Variants in COX10 observed in about 807,000 individuals in gnomAD.
COX10 encodes protoheme IX farnesyltransferase, mitochondrial.
In COX10, 27 loss-of-function variants were observed where a neutral mutation model predicts 37.3. That is an observed-to-expected ratio of 0.72 (90% CI 0.53 to 1.00). The LOEUF (loss-of-function observed/expected upper bound fraction) is 1.00, where lower values mean the gene tolerates loss of function less well. Ranked by LOEUF, COX10 falls within the 50% of genes least tolerant of loss-of-function variation. The probability of loss-of-function intolerance (pLI) is 0.00; values close to 1 mark genes in which losing one functional copy is unlikely to be tolerated. For missense variants in COX10, 475 were observed against 563.2 expected, an observed-to-expected ratio of 0.84 and a Z score of 1.59; for synonymous variants, 222 against 229.1, an observed-to-expected ratio of 0.97 and a Z score of 0.28.
intron 3 of COX10, among the ~76,000 whole-genome samples, chr17:14,098,222 G>C (rs1416627975): frequency 6.6e-6 from 1 of 152,066 alleles, no homozygotes; most frequent in Non-Finnish European, 1.5e-5. Context: ...AGATTATTTT[G>C]GCTGATTTAC....
chr17:14,082,056 AG>A (rs750078781), intron 3 of COX10, among the ~76,000 whole-genome samples: 4 of 152,326 alleles, frequency 2.6e-5, no homozygotes, highest in South Asian at 4.1e-4. Context: ...TGGAAGAACC[AG>A]GGGTCTTCAG....
intron 5 of COX10, among the ~76,000 whole-genome samples, chr17:14,186,666 G>A (rs1346817704): frequency 2.6e-5 from 4 of 151,590 alleles, no homozygotes; most frequent in African/African-American, 9.7e-5. Context: ...TTCAGGGAAT[G>A]CAGTATTAGG....
At chr17:14,104,149 G>C (rs112606158) in intron 4 of COX10, among the ~76,000 whole-genome samples, 35 of 152,022 alleles carry the variant, frequency 2.3e-4, no homozygotes, top group African/African-American at 8.2e-4. Context: ...CCATCTTTTT[G>C]TACCCCTCAT....
intron 4 of COX10, among the ~76,000 whole-genome samples, chr17:14,118,797 C>T (rs1233316105): frequency 6.6e-6 from 1 of 151,138 alleles, no homozygotes; most frequent in Non-Finnish European, 1.5e-5. Context: ...ATTCTTATCT[C>T]TTAGATTTTT....
intron 6 of COX10, among the ~76,000 whole-genome samples, chr17:14,201,519 GA>G (rs1906541107): frequency 6.6e-6 from 1 of 152,086 alleles, no homozygotes; most frequent in South Asian, 2.1e-4. Context: ...AAGCATTACT[GA>G]AAAAAGTGTA....
chr17:14,151,588 A>G (rs1467677005), intron 4 of COX10, among the ~76,000 whole-genome samples: 1 of 151,814 alleles, frequency 6.6e-6, no homozygotes, highest in Non-Finnish European at 1.5e-5. Context: ...AACTGCCAAG[A>G]TAGTTACTTA....
intron 4 of COX10, among the ~76,000 whole-genome samples, chr17:14,145,031 C>T (rs1054847948): frequency 6.6e-6 from 1 of 151,952 alleles, no homozygotes; most frequent in Non-Finnish European, 1.5e-5. Context: ...ACAGGATTAC[C>T]AGTCCTTAGG....
At chr17:14,074,654 A>G (rs1480386411) in intron 2 of COX10, among the ~76,000 whole-genome samples, 198 bp downstream of exon 2, 1 of 152,238 alleles carries the variant, frequency 6.6e-6, no homozygotes, top group African/African-American at 2.4e-5. Context: ...GTTTGAGGTT[A>G]AAAGTATGAT....
At chr17:14,107,087 T>C (rs548233527) in intron 4 of COX10, among the ~76,000 whole-genome samples, 10 of 152,214 alleles carry the variant, frequency 6.6e-5, no homozygotes, top group Admixed American at 3.3e-4. Flanking sequence ...CCCCTACTTC[T>C]ACCCACTGGA....
intron 5 of COX10, among the ~76,000 whole-genome samples, chr17:14,169,414 G>A (rs1176992096): frequency 6.6e-6 from 1 of 152,090 alleles, no homozygotes; most frequent in African/African-American, 2.4e-5. Context: ...ATTTTTCCAA[G>A]CCCTGCCCAT....
At chr17:14,115,665 G>C (rs1048864612) in intron 4 of COX10, among the ~76,000 whole-genome samples, 1 of 152,102 alleles carries the variant, frequency 6.6e-6, no homozygotes, top group African/African-American at 2.4e-5. Flanking sequence ...TAAGGAAAAT[G>C]TGGATAAGAA....
At chr17:14,095,185 C>T (rs1300379876) in intron 3 of COX10, among the ~76,000 whole-genome samples, 1 of 152,200 alleles carries the variant, frequency 6.6e-6, no homozygotes, top group Admixed American at 6.5e-5. Context: ...AGAGACTATA[C>T]ACTGAGATGT....
At chr17:14,131,453 A>T (rs1465898973) in intron 4 of COX10, among the ~76,000 whole-genome samples, 4 of 151,886 alleles carry the variant, frequency 2.6e-5, no homozygotes, top group Non-Finnish European at 4.4e-5. Context: ...ACTCTAGCTT[A>T]TTTTTTTATT....
chr17:14,170,565 A>G (rs1169323572), intron 5 of COX10, among the ~76,000 whole-genome samples: 1 of 152,186 alleles, frequency 6.6e-6, no homozygotes, highest in African/African-American at 2.4e-5. Flanking sequence ...CTATAATTTC[A>G]ACAATTTGGG....
At position 14,099,831 on chromosome 17, in the gene COX10, A is replaced by G. The variant is rs539062690; in HGVS notation, c.500-2287A>G. ...TTTCGTCTGCGTTCTTTATATTTCTACCTGGATGTCCCACGGTTTCTCAAA... is the reference window on the plus strand; with the variant it reads ...TTTCGTCTGCGTTCTTTATATTTCTGCCTGGATGTCCCACGGTTTCTCAAA... On this transcript the variant is annotated intron_variant, in intron 3 of 6. Coordinates refer to ENST00000261643, the MANE Select transcript of COX10 (RefSeq NM_001303.4). 6.6e-5 allele frequency among the ~76,000 whole-genome samples: 10 copies of G among 151,908 alleles called. No individual in the cohort carries two copies. The East Asian group carries it at 1.6e-3, about 24-fold the overall frequency.
At chr17:14,199,723 G>A (rs1906489931) in intron 6 of COX10, among the ~76,000 whole-genome samples, 2 of 152,186 alleles carry the variant, frequency 1.3e-5, no homozygotes. Context: ...CGCCTGTGCA[G>A]TTGATAAACT....
intron 3 of COX10, among the ~76,000 whole-genome samples, chr17:14,078,755 C>T (rs190532198): frequency 3.2e-4 from 49 of 152,240 alleles, no homozygotes; most frequent in Admixed American, 6.5e-4. Context: ...CTAACTTATA[C>T]GAGTCTATAG....
At chr17:14,161,801 A>G (rs1172548900) in intron 5 of COX10, among the ~76,000 whole-genome samples, 1 of 152,176 alleles carries the variant, frequency 6.6e-6, no homozygotes, top group Non-Finnish European at 1.5e-5. Context: ...CTGAGCTGGA[A>G]AGCTCCTAGG....
Position 14,147,782 on chromosome 17 carries a change from A to G in COX10, c.625-12095A>G, listed in dbSNP as rs979711733. On this transcript the variant is annotated intron_variant, in intron 4 of 6. Transcript: ENST00000261643. ...CTACTACGTACCTATAAAAATTAAA[A>G]CAATTTAAAAAAAATTTTTAAGAAA... Among the ~76,000 whole-genome samples, 57 of 145,216 alleles carry G rather than the reference A, an allele frequency of 3.9e-4. 2 individuals are homozygous for G. Among genetic ancestry groups the G allele is most frequent in the Admixed American group, 7.0e-5 (1 of 14,188 alleles).
Sources: gnomAD v4.1 joint callset for allele counts (sites outside exome capture counted in the v4.1 genomes callset) on GRCh38, gnomAD v4.1.1 for gene constraint, MANE v1.5 for transcripts, NCBI Gene and HGNC (gene_info 2026-07-23, HGNC 2026-07-21) for gene names.